The following SLC10A7 variants were observed in gnomAD, a reference collection of about 807,000 sequenced individuals.
SLC10A7 encodes the protein sodium/bile acid cotransporter 7.
A neutral mutation model predicts 43.2 loss-of-function variants in SLC10A7; 29 were observed. The ratio of observed to expected loss-of-function variants is 0.67; its 90% confidence interval spans 0.50 to 0.92. The LOEUF (loss-of-function observed/expected upper bound fraction) is 0.92. Among genes scored for constraint, SLC10A7 ranks in the 40% least tolerant of loss-of-function variants. The pLI, the probability that SLC10A7 is intolerant of heterozygous loss-of-function variation, is 0.00. For synonymous variants in SLC10A7, 152 were observed against 144.8 expected, an observed-to-expected ratio of 1.05 and a Z score of -0.35; for missense variants, 295 against 403.2, an observed-to-expected ratio of 0.73 and a Z score of 2.30.
Position 146,301,851 on chromosome 4 carries a change from C to T in SLC10A7, c.555+4075G>A, listed in dbSNP as rs115886456. Reference sequence around the variant, plus strand: ...CAGGTAGATGCAAGCATATAGGTTTCTCCTCGAAAAGAGTCATCAAAGAAC... The same window carrying T: ...CAGGTAGATGCAAGCATATAGGTTTTTCCTCGAAAAGAGTCATCAAAGAAC... On this transcript the variant is annotated intron_variant, in intron 7 of 11. Coordinates refer to ENST00000335472, the MANE Select transcript of SLC10A7 (RefSeq NM_001029998.6). Among the ~76,000 whole-genome samples, 1,141 of 152,080 alleles carry T rather than the reference C, an allele frequency of 7.5e-3. 15 individuals carry two copies. The highest frequency in any genetic ancestry group is 0.026 in the African/African-American group (1,083 of 41,496).
chr4:146,282,934 G>T (rs1729644398), intron 10 of SLC10A7, among the ~76,000 whole-genome samples: 1 of 152,072 alleles, frequency 6.6e-6, no homozygotes, highest in South Asian at 2.1e-4. Flanking sequence ...TTCTACATTG[G>T]TAATCTTGTA....
chr4:146,370,511 T>G (rs1289335464), intron 5 of SLC10A7, among the ~76,000 whole-genome samples: 3 of 152,172 alleles, frequency 2.0e-5, no homozygotes, highest in African/African-American at 7.2e-5. Context: ...TCAGCTTATA[T>G]TCCTAAAGGG....
chr4:146,433,368 A>G (rs1048370105), intron 5 of SLC10A7, among the ~76,000 whole-genome samples: 11 of 151,854 alleles, frequency 7.2e-5, no homozygotes, highest in Non-Finnish European at 1.5e-4. Flanking sequence ...CCATCTCAAT[A>G]AGAAACATAA....
At position 146,293,974 on chromosome 4, in the gene SLC10A7, T is replaced by C. The variant is rs1169149434; in HGVS notation, c.677A>G (p.Asn226Ser). The stretch of plus-strand genomic sequence containing the variant: ...AAGGCTGAATTTATCCAGGTCAATA[T>C]TTGGGTTAGAGAACGTGTCACAGAA... ...TTFCDTFSNP[N>S]IDLDKFSLVL... is the part of the protein sequence containing the mutation. Residue 226 changes from asparagine to serine, a missense_variant, in exon 8 of 12, where the codon AAT (asparagine) becomes AGT (serine). Coordinates refer to ENST00000335472, the MANE Select transcript of SLC10A7 (RefSeq NM_001029998.6). 1 of 1,613,434 alleles carries C rather than the reference T, an allele frequency of 6.2e-7. No individual in the cohort carries two copies. Among genetic ancestry groups the C allele is most frequent in the Admixed American group, 1.7e-5 (1 of 60,002 alleles).
At chr4:146,267,316 A>C (rs748304858) in intron 10 of SLC10A7, among the ~76,000 whole-genome samples, 3 of 152,132 alleles carry the variant, frequency 2.0e-5, no homozygotes, top group Non-Finnish European at 4.4e-5. Context: ...TTTTTGGATC[A>C]GGCAGGTTTA....
chr4:146,432,785 A>T (rs1221431275), intron 5 of SLC10A7, among the ~76,000 whole-genome samples: 1 of 152,174 alleles, frequency 6.6e-6, no homozygotes, highest in African/African-American at 2.4e-5. Flanking sequence ...CATGCCTGTA[A>T]TCCCAGAACT....
At chr4:146,452,422 T>C (rs1731674672) in intron 4 of SLC10A7, among the ~76,000 whole-genome samples, 1 of 152,138 alleles carries the variant, frequency 6.6e-6, no homozygotes, top group African/African-American at 2.4e-5. Flanking sequence ...CATCAAAGAC[T>C]GAATTCCAAT....
chr4:146,297,898 A>G (rs966824090), intron 7 of SLC10A7, among the ~76,000 whole-genome samples: 3 of 152,198 alleles, frequency 2.0e-5, no homozygotes, highest in African/African-American at 7.2e-5. Context: ...AATTCATTCC[A>G]TTCTCATGAG....
chr4:146,445,593 G>A (rs966218735), intron 4 of SLC10A7, among the ~76,000 whole-genome samples: 9 of 152,138 alleles, frequency 5.9e-5, no homozygotes, highest in African/African-American at 1.4e-4. Flanking sequence ...CTAGCTCAGC[G>A]GAGGGTCAGG....
At chr4:146,323,916 A>G (rs919582011) in intron 6 of SLC10A7, among the ~76,000 whole-genome samples, 6 of 152,204 alleles carry the variant, frequency 3.9e-5, no homozygotes, top group Non-Finnish European at 7.3e-5. Context: ...TTGTATATCT[A>G]GAAAACCCCA....
At chr4:146,349,403 GT>G (rs1734859244) in intron 5 of SLC10A7, among the ~76,000 whole-genome samples, 1 of 152,216 alleles carries the variant, frequency 6.6e-6, no homozygotes, top group Non-Finnish European at 1.5e-5. Flanking sequence ...CTGGTACACT[GT>G]TGGTGGGAAT....
chr4:146,414,303 C>T (rs750162528), intron 5 of SLC10A7, among the ~76,000 whole-genome samples: 17 of 152,128 alleles, frequency 1.1e-4, no homozygotes, highest in Admixed American at 2.6e-4. Flanking sequence ...TGTGCCCCCA[C>T]GAAAAGACAC....
At chr4:146,410,902 C>T (rs948620940) in intron 5 of SLC10A7, among the ~76,000 whole-genome samples, 4 of 152,016 alleles carry the variant, frequency 2.6e-5, no homozygotes, top group South Asian at 2.1e-4. Context: ...GGCATGATCT[C>T]GGCTCACTGC....
chr4:146,376,269 C>T (rs1480620013), intron 5 of SLC10A7, among the ~76,000 whole-genome samples: 2 of 152,092 alleles, frequency 1.3e-5, no homozygotes, highest in Non-Finnish European at 2.9e-5. Flanking sequence ...TTTAGAAGCT[C>T]TTTGTCCGAT....
At chr4:146,442,686 A>G (rs1360640453) in intron 5 of SLC10A7, 97 bp downstream of exon 5, 14 of 1,545,440 alleles carry the variant, frequency 9.1e-6, no homozygotes, top group Non-Finnish European at 1.2e-5. Flanking sequence ...TTTATACTTA[A>G]CCAAAGAGTA....
chr4:146,350,524 C>T (rs1445926827), intron 5 of SLC10A7, among the ~76,000 whole-genome samples: 1 of 144,404 alleles, frequency 6.9e-6, no homozygotes. Flanking sequence ...CTGGGTGGAG[C>T]CCACCACAGC....
At position 146,256,963 on chromosome 4, in the gene SLC10A7, T is replaced by C. The variant is rs1300730514; in HGVS notation, c.994-443A>G. On this transcript the variant is annotated intron_variant, in intron 11 of 11. Coordinates refer to ENST00000335472, the MANE Select transcript of SLC10A7 (RefSeq NM_001029998.6). Reference sequence around the variant, plus strand: ...TACACAAAGGAAAAATGAACAACAGTGTACAATTTAGTCTCCCTTTTGGAA... The same window carrying C: ...TACACAAAGGAAAAATGAACAACAGCGTACAATTTAGTCTCCCTTTTGGAA... 4.8e-6 allele frequency: 7 copies of C among 1,454,260 alleles called. No individual in the cohort carries two copies. In the African/African-American group the frequency reaches 8.4e-5, roughly 17 times the overall value. The allele number at this position is 1,454,260 out of a possible 1,614,324, so 90.1% of individuals were successfully genotyped here.
chr4:146,437,954 G>C (rs1579186285), intron 5 of SLC10A7, among the ~76,000 whole-genome samples: 1 of 151,730 alleles, frequency 6.6e-6, no homozygotes, highest in South Asian at 2.1e-4. Flanking sequence ...CATTCACTAG[G>C]GTTTCCTTTT....
rs78064360 is a variant in SLC10A7 at position 146,429,258 on chromosome 4, G to T, written c.435+13525C>A. On this transcript the variant is annotated intron_variant, in intron 5 of 11. Transcript: ENST00000335472. ...GTCAAAACAGATGACAAAAAGATGG[G>T]ATTTTTGTCAAAAGAATTCAACATA... Among the ~76,000 whole-genome samples the T allele has an allele frequency of 6.0e-3, 907 of 152,200 alleles. 14 individuals are homozygous for T. Among genetic ancestry groups the T allele is most frequent in the East Asian group, 0.042 (220 of 5,180 alleles).
Sources: allele counts gnomAD v4.1 joint callset (sites outside exome capture counted in the v4.1 genomes callset), GRCh38; gene constraint gnomAD v4.1.1; transcripts MANE v1.5; gene names NCBI Gene and HGNC (gene_info 2026-07-23, HGNC 2026-07-21).